MAGI2: variants seen among roughly 807,000 people sequenced by gnomAD.
MAGI2 encodes the protein membrane associated guanylate kinase, WW and PDZ domain containing 2, also known as membrane-associated guanylate kinase, WW and PDZ domain-containing protein 2.
A neutral mutation model predicts 133.3 loss-of-function variants in MAGI2; 35 were observed. That is an observed-to-expected ratio of 0.26 (90% confidence interval 0.20 to 0.35). The LOEUF (loss-of-function observed/expected upper bound fraction) is 0.35. MAGI2 is among the 10% of genes least tolerant of loss of function. The pLI is 1.00. For missense variants in MAGI2, 1,636 were observed against 1,863.4 expected (o/e 0.88, Z 2.25); for synonymous variants, 729 against 710.6 (o/e 1.03, Z -0.41).
chr7:78,388,628 T>C (rs1583839956), intron 6 of MAGI2, among the ~76,000 whole-genome samples: 1 of 152,162 alleles, frequency 6.6e-6, no homozygotes, highest in African/African-American at 2.4e-5. Flanking sequence ...ACATTAGCCA[T>C]TTGGCCTCAG....
At chr7:79,291,766 G>T (rs994187907) in intron 1 of MAGI2, among the ~76,000 whole-genome samples, 1 of 152,004 alleles carries the variant, frequency 6.6e-6, no homozygotes, top group African/African-American at 2.4e-5. Flanking sequence ...TGAGTCATTT[G>T]TCTTTTTATT....
intron 1 of MAGI2, among the ~76,000 whole-genome samples, chr7:79,237,253 T>C (rs1471453215): frequency 1.3e-5 from 2 of 152,186 alleles, no homozygotes; most frequent in African/African-American, 2.4e-5. Flanking sequence ...CCCAGCACTT[T>C]GGGAGGCCGA....
intron 10 of MAGI2, among the ~76,000 whole-genome samples, chr7:78,248,326 T>A (rs1333187125): frequency 6.6e-6 from 1 of 152,120 alleles, no homozygotes; most frequent in Non-Finnish European, 1.5e-5. Flanking sequence ...ATATATCAAA[T>A]CCAGAATAAT....
chr7:78,161,447 A>G (rs1448287390), intron 15 of MAGI2, among the ~76,000 whole-genome samples: 1 of 152,128 alleles, frequency 6.6e-6, no homozygotes, highest in Non-Finnish European at 1.5e-5. Context: ...ACAGAGGAAT[A>G]ATAAGATGGA....
intron 6 of MAGI2, among the ~76,000 whole-genome samples, chr7:78,402,866 T>C (rs62468765): frequency 0.31 from 46,727 of 152,068 alleles, 7,661 homozygotes; most frequent in Middle Eastern, 0.42. Context: ...CATGCAAATA[T>C]GTAATATATG....
chr7:78,772,937 T>G (rs1825707523), intron 2 of MAGI2, among the ~76,000 whole-genome samples: 1 of 152,244 alleles, frequency 6.6e-6, no homozygotes, highest in Non-Finnish European at 1.5e-5. Context: ...CTTTTTTCCC[T>G]CTAGCATTGG....
At chr7:78,773,687 G>A (rs556752730) in intron 2 of MAGI2, among the ~76,000 whole-genome samples, 5 of 152,256 alleles carry the variant, frequency 3.3e-5, no homozygotes, top group Admixed American at 1.3e-4. Flanking sequence ...GGTAACCCTC[G>A]AACTGAGCCT....
intron 3 of MAGI2, among the ~76,000 whole-genome samples, chr7:78,626,407 A>C (rs184576669): frequency 2.1e-4 from 32 of 152,324 alleles, no homozygotes; most frequent in Admixed American, 1.1e-3. Context: ...TTTACAGATG[A>C]GACAACTAAG....
chr7:78,728,696 G>T (rs1176669493), intron 2 of MAGI2, among the ~76,000 whole-genome samples: 14 of 125,640 alleles, frequency 1.1e-4, no homozygotes, highest in African/African-American at 4.4e-4. Context: ...CTCCCAAGTA[G>T]CTGGGACTAC....
At chr7:78,739,088 T>G (rs1251496186) in intron 2 of MAGI2, among the ~76,000 whole-genome samples, 1 of 152,200 alleles carries the variant, frequency 6.6e-6, no homozygotes, top group Non-Finnish European at 1.5e-5. Flanking sequence ...CAGAGAGCAT[T>G]GATTGTTTTC....
At chr7:79,265,484 CT>C (rs1332380030) in intron 1 of MAGI2, among the ~76,000 whole-genome samples, 1 of 151,618 alleles carries the variant, frequency 6.6e-6, no homozygotes, top group Non-Finnish European at 1.5e-5. Flanking sequence ...AGTACTTTTC[CT>C]TTTTTTTGGT....
intron 2 of MAGI2, among the ~76,000 whole-genome samples, chr7:78,781,312 G>T (rs1193541115): frequency 6.7e-6 from 1 of 149,802 alleles, no homozygotes; most frequent in African/African-American, 2.5e-5. Context: ...CCAGGACATG[G>T]AGCTTGCAGT....
intron 6 of MAGI2, among the ~76,000 whole-genome samples, chr7:78,405,071 C>T (rs1485050740): frequency 6.6e-6 from 1 of 152,128 alleles, no homozygotes. Context: ...TAAGGAACTG[C>T]TTCCCACCAA....
At chr7:78,608,540 T>C (rs1018030598) in intron 3 of MAGI2, among the ~76,000 whole-genome samples, 6 of 151,948 alleles carry the variant, frequency 3.9e-5, no homozygotes, top group Admixed American at 3.3e-4. Context: ...CTTAGAATAG[T>C]CCAGCTCATA....
intron 1 of MAGI2, among the ~76,000 whole-genome samples, chr7:79,093,714 CTTTTT>C (rs369075503): frequency 4.4e-5 from 5 of 113,298 alleles, no homozygotes; most frequent in Non-Finnish European, 3.7e-5. Flanking sequence ...CTTTTCTTTT[CTTTTT>C]TTTTTTTTTT....
intron 9 of MAGI2, among the ~76,000 whole-genome samples, chr7:78,307,364 G>C (rs1302213097): frequency 1.3e-5 from 2 of 152,158 alleles, no homozygotes. Context: ...TGGTACAAAA[G>C]TACAAATATT....
intron 1 of MAGI2, among the ~76,000 whole-genome samples, chr7:79,441,125 G>T (rs1238883415): frequency 6.6e-6 from 1 of 152,184 alleles, no homozygotes; most frequent in Admixed American, 6.6e-5. Flanking sequence ...ATTTAGTCTA[G>T]TTCCTTCCCG....
chr7:78,601,908 C>T (rs1355554904), intron 3 of MAGI2, among the ~76,000 whole-genome samples: 1 of 152,058 alleles, frequency 6.6e-6, no homozygotes. Context: ...TATAAATCTG[C>T]CTTTGTCTTT....
chr7:78,270,252 C>T (rs1004964932), intron 9 of MAGI2, among the ~76,000 whole-genome samples: 9 of 152,182 alleles, frequency 5.9e-5, no homozygotes, highest in East Asian at 1.9e-4. Context: ...TGTGAGGGCT[C>T]TTTTTTGATT....
Sources: gnomAD v4.1 joint callset for allele counts (sites outside exome capture counted in the v4.1 genomes callset) on GRCh38, gnomAD v4.1.1 for gene constraint, MANE v1.5 for transcripts, NCBI Gene and HGNC (gene_info 2026-07-23, HGNC 2026-07-21) for gene names.